The following PDZD8 variants were observed in gnomAD, a reference collection of about 807,000 sequenced individuals.
The protein encoded by PDZD8 is PDZ domain-containing protein 8.
In PDZD8, 14 loss-of-function variants were observed where a neutral mutation model predicts 85.8. The observed-to-expected ratio is 0.16, with a 90% CI of 0.11 to 0.26. The LOEUF is 0.26. PDZD8 is among the 10% of genes least tolerant of loss of function. The pLI, the probability that PDZD8 is intolerant of heterozygous loss-of-function variation, is 1.00. For synonymous variants in PDZD8, 592 were observed against 568.6 expected (o/e 1.04, Z -0.59); for missense variants, 1,197 against 1,424.3 (o/e 0.84, Z 2.57).
At chr10:117,352,765 T>C (rs1844826965) in intron 1 of PDZD8, among the ~76,000 whole-genome samples, 1 of 152,142 alleles carries the variant, frequency 6.6e-6, no homozygotes, top group Admixed American at 6.5e-5. Context: ...GGTGGCATTG[T>C]CATAGAGGAA....
At chr10:117,295,389 A>G (rs958013974) in intron 3 of PDZD8, among the ~76,000 whole-genome samples, 3 of 152,190 alleles carry the variant, frequency 2.0e-5, no homozygotes, top group African/African-American at 7.2e-5. Flanking sequence ...CCTTGATTTA[A>G]CTGACACTTA....
chr10:117,353,125 A>G (rs1844834913), intron 1 of PDZD8, among the ~76,000 whole-genome samples: 1 of 152,234 alleles, frequency 6.6e-6, no homozygotes, highest in Admixed American at 6.5e-5. Context: ...GGTTTACAGA[A>G]AGTAAATTCT....
chr10:117,308,292 TGAG>T (rs1312139258), intron 3 of PDZD8, among the ~76,000 whole-genome samples: 4 of 152,084 alleles, frequency 2.6e-5, no homozygotes, highest in Admixed American at 6.6e-5. Flanking sequence ...ATCTCATGAT[TGAG>T]GAGGATACTC....
chr10:117,374,906 C>G lies in PDZD8; in HGVS notation c.322G>C (p.Glu108Gln), dbSNP rs372449896. ...CGGGTCAGCGCGGTGTCCCGCAACT[C>G]CCGGAACAGGAATAGGATGGTGGCG... ...LNATILFLFR[E>Q]LRDTALTRRW... Residue 108 changes from glutamate to glutamine, a missense_variant, in exon 1 of 5, where the codon GAG becomes CAG. Around this residue, in one of 4 missense-constraint regions of PDZD8, gnomAD observed 344 missense variants for 453.6 expected, o/e 0.76. Coordinates refer to ENST00000334464, the MANE Select transcript of PDZD8 (RefSeq NM_173791.5). The surrounding 1 kb of genome is among the most constrained non-coding windows in gnomAD (Gnocchi z 7.8). 1.6e-5 allele frequency: 26 copies of G among 1,613,460 alleles called. No homozygotes were observed. Among genetic ancestry groups the G allele is most frequent in the Non-Finnish European group, 2.2e-5 (26 of 1,179,862 alleles).
intron 3 of PDZD8, among the ~76,000 whole-genome samples, chr10:117,295,777 A>T (rs1418276218): frequency 6.6e-6 from 1 of 152,210 alleles, no homozygotes; most frequent in African/African-American, 2.4e-5. Context: ...CAAAAAAATT[A>T]ACAAAATCCA....
chr10:117,313,996 T>G (rs1456382515), intron 3 of PDZD8, among the ~76,000 whole-genome samples: 1 of 152,178 alleles, frequency 6.6e-6, no homozygotes. Context: ...TACTAATTAT[T>G]TGAATACCAT....
intron 2 of PDZD8, among the ~76,000 whole-genome samples, chr10:117,322,111 T>C (rs1844235737): frequency 6.6e-6 from 1 of 152,132 alleles, no homozygotes; most frequent in African/African-American, 2.4e-5. Flanking sequence ...CCAGGTTGGG[T>C]GCACTAAACA....
At chr10:117,316,758 AT>A (rs1844137509) in intron 3 of PDZD8, among the ~76,000 whole-genome samples, 1 of 152,204 alleles carries the variant, frequency 6.6e-6, no homozygotes, top group South Asian at 2.1e-4. Context: ...CATAAAAGCC[AT>A]TCATAACTCC....
intron 2 of PDZD8, among the ~76,000 whole-genome samples, chr10:117,337,366 T>G (rs1359041280): frequency 6.6e-6 from 1 of 152,202 alleles, no homozygotes; most frequent in Non-Finnish European, 1.5e-5. Flanking sequence ...AAACAGCCAT[T>G]GCATTCATCT....
At chr10:117,327,843 T>C (rs1029935207) in intron 2 of PDZD8, among the ~76,000 whole-genome samples, 6 of 152,224 alleles carry the variant, frequency 3.9e-5, no homozygotes, top group African/African-American at 1.2e-4. Flanking sequence ...ATTACTTTTT[T>C]ATTCTGTCAC....
At chr10:117,367,988 TATTG>T (rs1845119314) in intron 1 of PDZD8, among the ~76,000 whole-genome samples, 1 of 152,030 alleles carries the variant, frequency 6.6e-6, no homozygotes, top group Non-Finnish European at 1.5e-5. Flanking sequence ...AGAGCAGAGA[TATTG>T]ATCTCTCCTG....
chr10:117,292,341 C>T (rs1451409347), intron 3 of PDZD8, among the ~76,000 whole-genome samples: 3 of 152,172 alleles, frequency 2.0e-5, no homozygotes, highest in African/African-American at 4.8e-5. Flanking sequence ...AGCAATTAAT[C>T]ACCTTACAAT....
rs35866840 is a variant in PDZD8, at chr10:117,315,587, CAAAAAAAAA to C, written c.1098+3276_1098+3284del. On this transcript the variant is annotated intron_variant, in intron 3 of 4. Transcript: ENST00000334464. ...TCTGGGCGACAGAGCTAGACTCTCT[CAAAAAAAAA>C]AAAAAAAAAAAAAAAACAATAATCT... Among the ~76,000 whole-genome samples the C allele has an allele frequency of 1.4e-4, 6 of 42,104 alleles. No individual in the cohort carries two copies. The South Asian group carries it at 5.3e-3, about 38-fold the overall frequency. The allele number at this position is 42,104 out of a possible 152,430, so 27.6% of individuals were successfully genotyped here.
chr10:117,375,023 G>T lies in PDZD8; in HGVS notation c.205C>A (p.Pro69Thr), dbSNP rs1054841233. The T allele has an allele frequency of 5.0e-6, 8 of 1,588,238 alleles. No homozygotes were observed. The highest frequency in any genetic ancestry group is 3.4e-4 in the Middle Eastern group (2 of 5,830). Residue 69 changes from proline to threonine, a missense_variant, in exon 1 of 5, where the codon CCC becomes ACC. By Grantham distance (38) the Pro-to-Thr change is conservative (BLOSUM62 -1). Coordinates refer to ENST00000334464, the MANE Select transcript of PDZD8 (RefSeq NM_173791.5). ...YLYGGGRDEE[P>T]SGAAPEGGAT... ...CCGCCCTCAGGGGCCGCTCCGGAGG[G>T]CTCCTCATCCCGGCCGCCGCCATAA...
Position 117,284,899 on chromosome 10 carries a change from G to C in PDZD8, c.1834C>G (p.Pro612Ala). ...TCTGGCTTTTCAACGAGAACATCTG[G>C]TTCTGCCTGATTTGGAGCATCGGCG... ...PSADAPNQAEPDVLVEKPEKV... is the reference protein window; with the variant it reads ...PSADAPNQAEADVLVEKPEKV... The change falls in exon 5 of 5, where the codon CCA becomes GCA. Residue 612 changes from proline to alanine, a missense_variant. By Grantham distance (27) the Pro-to-Ala change is conservative. Coordinates refer to ENST00000334464, the MANE Select transcript of PDZD8 (RefSeq NM_173791.5). The C allele has an allele frequency of 6.2e-7, 1 of 1,614,188 alleles. No individual in the cohort carries two copies. The highest frequency in any genetic ancestry group is 8.5e-7 in the Non-Finnish European group (1 of 1,180,034).
chr10:117,341,336 C>A (rs1844608937), intron 1 of PDZD8, among the ~76,000 whole-genome samples: 1 of 152,008 alleles, frequency 6.6e-6, no homozygotes, highest in South Asian at 2.1e-4. Context: ...CAAGAGAGAA[C>A]AAAGAAAAGA....
intron 1 of PDZD8, among the ~76,000 whole-genome samples, chr10:117,365,589 T>C (rs1353493186): frequency 6.6e-6 from 1 of 152,192 alleles, no homozygotes; most frequent in Non-Finnish European, 1.5e-5. Context: ...ATATCTGATA[T>C]ATATCTAGTA....
chr10:117,304,892 G>A (rs563641663), intron 3 of PDZD8, among the ~76,000 whole-genome samples: 5 of 152,242 alleles, frequency 3.3e-5, no homozygotes, highest in East Asian at 1.9e-4. Flanking sequence ...TATCAGCAGC[G>A]TGAAAACAGA....
chr10:117,330,719 A>C (rs117576402), intron 2 of PDZD8, among the ~76,000 whole-genome samples: 4,932 of 152,248 alleles, frequency 0.032, 88 homozygotes, highest in South Asian at 0.039. Flanking sequence ...TTCAATCTCT[A>C]TATATACAAT....
Sources: allele counts gnomAD v4.1 joint callset (sites outside exome capture counted in the v4.1 genomes callset), GRCh38; gene constraint gnomAD v4.1.1; regional missense constraint gnomAD v4.1.1; non-coding constraint Gnocchi (gnomAD v3.1); transcripts MANE v1.5; gene names NCBI Gene and HGNC (gene_info 2026-07-23, HGNC 2026-07-21).